The following FAT4 variants were observed in gnomAD, a reference collection of about 807,000 sequenced individuals.
The protein encoded by FAT4 is protocadherin Fat 4.
Under a neutral mutation model 303.9 loss-of-function variants are expected in FAT4, and 84 were observed. The observed-to-expected ratio is 0.28, with a 90% CI of 0.23 to 0.33. The LOEUF (loss-of-function observed/expected upper bound fraction) is 0.33. Ranked by LOEUF, FAT4 falls within the 10% of genes least tolerant of loss-of-function variation. The probability of loss-of-function intolerance (pLI) is 1.00; values close to 1 mark genes in which losing one functional copy is unlikely to be tolerated. For missense variants in FAT4, 6,005 were observed against 6,146.8 expected (o/e 0.98, Z 0.77); for synonymous variants, 2,307 against 2,298.8 (o/e 1.00, Z -0.10).
chr4:125,342,707 G>T (rs1212345710), intron 2 of FAT4, among the ~76,000 whole-genome samples: 1 of 151,082 alleles, frequency 6.6e-6, no homozygotes, highest in Non-Finnish European at 1.5e-5. Context: ...ATATATGTTT[G>T]AATTTTATTT....
rs1481250089 is a variant in FAT4 at position 125,415,572 on chromosome 4, G to T, written c.6609G>T (p.Arg2203=). ...ATGGTAATACCAATCAGGAATTTCG[G>T]ATAGACTCTGTCACAGGTGCCATCA... ...IVNGNTNQEF[R]IDSVTGAITV... Residue 2203 remains arginine, a synonymous_variant, in exon 6 of 18, where the codon CGG becomes CGT. Transcript: ENST00000394329. The T allele has an allele frequency of 6.2e-7, 1 of 1,613,924 alleles. No homozygotes were observed. The highest frequency in any genetic ancestry group is 1.7e-5 in the Admixed American group (1 of 59,958).
At position 125,316,144 on chromosome 4, in the gene FAT4, TG is replaced by T. The variant is rs1201254216; in HGVS notation, c.-13+170del. On this transcript the variant is annotated intron_variant, in intron 1 of 17. Coordinates refer to ENST00000394329, the MANE Select transcript of FAT4 (RefSeq NM_001291303.3). This position sits in a 1 kb window ranked among gnomAD's most constrained non-coding sequence, Gnocchi z 5.7. ...ATATAAGAGGCTTGAGAAACTTTTC[TG>T]GGAACTCAGCTCACAGGAGTGTCCC... Among the ~76,000 whole-genome samples, 1 of 152,172 alleles carries T rather than the reference TG, an allele frequency of 6.6e-6. No homozygotes were observed. The highest frequency in any genetic ancestry group is 1.5e-5 in the Non-Finnish European group (1 of 68,040).
At chr4:125,346,376 GA>G (rs34606140) in intron 2 of FAT4, among the ~76,000 whole-genome samples, 11,688 of 150,502 alleles carry the variant, frequency 0.078, 559 homozygotes, top group South Asian at 0.16. Flanking sequence ...GATTCTCTGA[GA>G]AAAAAAAACT....
chr4:125,316,544 C>T lies in FAT4; in HGVS notation c.133C>T (p.Pro45Ser), dbSNP rs1578510659. ...GCAGGCCTGGGTCCACGGGGCCGAGCCGCGCCAGGTGTTCCAAGTGCTGGA... is the reference window on the plus strand; with the variant it reads ...GCAGGCCTGGGTCCACGGGGCCGAGTCGCGCCAGGTGTTCCAAGTGCTGGA... The part of the protein sequence containing the change: ...PGQAWVHGAE[P>S]RQVFQVLEEQ... The change falls in exon 2 of 18, where the codon CCG becomes TCG. Residue 45 changes from proline to serine, a missense_variant. Physicochemically the swap from Pro to Ser is moderately conservative, Grantham distance 74. Transcript: ENST00000394329. This position sits in a 1 kb window ranked among gnomAD's most constrained non-coding sequence, Gnocchi z 5.7. 6.2e-7 allele frequency: 1 copy of T among 1,614,030 alleles called. No homozygotes were observed. Among genetic ancestry groups the T allele is most frequent in the South Asian group, 1.1e-5 (1 of 91,086 alleles).
chr4:125,438,910 T>G (rs1725550577), intron 8 of FAT4, among the ~76,000 whole-genome samples: 1 of 152,206 alleles, frequency 6.6e-6, no homozygotes. Context: ...ACTGAACTAC[T>G]GTTGGGATCT....
In FAT4 at chr4:125,451,358, A is replaced by G; in HGVS notation, c.10348A>G (p.Asn3450Asp). 1 of 1,614,126 alleles carries G rather than the reference A, an allele frequency of 6.2e-7. No homozygotes were observed. Among genetic ancestry groups the G allele is most frequent in the Non-Finnish European group, 8.5e-7 (1 of 1,180,014 alleles). The change falls in exon 10 of 18, where the codon AAT becomes GAT. Residue 3450 changes from asparagine to aspartate, a missense_variant. Physicochemically the swap from Asn to Asp is conservative, Grantham distance 23 (BLOSUM62 1). Coordinates refer to ENST00000394329, the MANE Select transcript of FAT4 (RefSeq NM_001291303.3). ...GTTTTCTTACTTCATCGGATCAGGG[A>G]ATGAAAATGGTGCCTTTTCTATTAA... is the stretch of plus-strand genomic sequence containing the variant. ...SRFSYFIGSGNENGAFSINPQ... is the reference protein window; with the variant it reads ...SRFSYFIGSGDENGAFSINPQ...
At chr4:125,396,265 T>C (rs1459373899) in intron 2 of FAT4, among the ~76,000 whole-genome samples, 1 of 152,116 alleles carries the variant, frequency 6.6e-6, no homozygotes, top group African/African-American at 2.4e-5. Context: ...TATATGTATA[T>C]ATGTGTGTGT....
chr4:125,349,088 A>G (rs1732118426), intron 2 of FAT4, among the ~76,000 whole-genome samples: 1 of 151,760 alleles, frequency 6.6e-6, no homozygotes, highest in South Asian at 2.1e-4. Context: ...AGGGGTTTAG[A>G]AGAGTATACT....
intron 2 of FAT4, among the ~76,000 whole-genome samples, chr4:125,370,711 G>T (rs1163157917): frequency 8.5e-5 from 13 of 152,126 alleles, no homozygotes; most frequent in Non-Finnish European, 1.9e-4. Flanking sequence ...CTGGTGATAT[G>T]GGGTGCAGGC....
In FAT4 at chr4:125,315,908, C is replaced by T. The variant is rs1369653163; in HGVS notation, c.-82C>T. On this transcript the variant is annotated 5_prime_UTR_variant, in exon 1 of 18. Transcript: ENST00000394329. ...AAGAAATTCGATTCTCCCGGTTCCC[C>T]ACCACCCCTTCCCCGGTGCGCAGTT... Among the ~76,000 whole-genome samples, 2 of 152,198 alleles carry T rather than the reference C, an allele frequency of 1.3e-5. No individual in the cohort carries two copies. The highest frequency in any genetic ancestry group is 2.9e-5 in the Non-Finnish European group (2 of 68,036).
rs1372190580 is a variant in FAT4, at chr4:125,452,446, A to G, written c.11436A>G (p.Pro3812=). 2 of 1,614,060 alleles carry G rather than the reference A, an allele frequency of 1.2e-6. No homozygotes were observed. The highest frequency in any genetic ancestry group is 1.7e-5 in the Admixed American group (1 of 60,024). Residue 3812 remains proline, a synonymous_variant, in exon 10 of 18, where the codon CCA becomes CCG. Coordinates refer to ENST00000394329, the MANE Select transcript of FAT4 (RefSeq NM_001291303.3). ...SVDHDSCVHG[P]CQNGGSCLRR... ...ATCATGACTCCTGTGTGCATGGCCC[A>G]TGTCAGAATGGAGGGAGCTGTCTAC...
Position 125,448,859 on chromosome 4 carries a change from G to C in FAT4, c.7849G>C (p.Asp2617His). ...GAATCTTGGCAATACTTTCCAGATT[G>C]ATCAGTTAACAGGGCAGGTGTCTAT... ...SGNLGNTFQI[D>H]QLTGQVSISQ... is the part of the protein sequence containing the mutation. The change falls in exon 10 of 18, where the codon GAT (aspartate) becomes CAT (histidine). Residue 2617 changes from aspartate (D) to histidine (H), a missense_variant. Physicochemically the swap from Asp to His is moderately conservative, Grantham distance 81. Transcript: ENST00000394329. 6.2e-7 allele frequency: 1 copy of C among 1,608,398 alleles called. No individual in the cohort carries two copies. The highest frequency in any genetic ancestry group is 2.2e-5 in the East Asian group (1 of 44,766).
At chr4:125,410,465 T>G (rs1359943787) in intron 5 of FAT4, among the ~76,000 whole-genome samples, 2 of 152,152 alleles carry the variant, frequency 1.3e-5, no homozygotes, top group Non-Finnish European at 2.9e-5. Context: ...GGAGATTGGT[T>G]TATCTGCTAT....
At chr4:125,428,053 C>T (rs1382211631) in intron 7 of FAT4, among the ~76,000 whole-genome samples, 1 of 152,020 alleles carries the variant, frequency 6.6e-6, no homozygotes, top group African/African-American at 2.4e-5. Context: ...AATCTCAGCA[C>T]TTTTGGAGGC....
intron 2 of FAT4, among the ~76,000 whole-genome samples, chr4:125,348,514 A>C (rs534356107): frequency 1.3e-5 from 2 of 151,640 alleles, no homozygotes; most frequent in African/African-American, 2.4e-5. Context: ...GAGGAAGTGA[A>C]CCAACACCCA....
chr4:125,329,315 T>C (rs1351729217), intron 2 of FAT4, among the ~76,000 whole-genome samples: 1 of 152,242 alleles, frequency 6.6e-6, no homozygotes, highest in Non-Finnish European at 1.5e-5. Context: ...GACACATTGC[T>C]AGATCCAATG....
chr4:125,380,431 AAATGT>A (rs1288398544), intron 2 of FAT4, among the ~76,000 whole-genome samples: 2 of 152,194 alleles, frequency 1.3e-5, no homozygotes, highest in African/African-American at 4.8e-5. Context: ...AGTTTAAGGG[AAATGT>A]AATGTAAAAA....
At chr4:125,333,576 T>A (rs1468012572) in intron 2 of FAT4, among the ~76,000 whole-genome samples, 2 of 152,058 alleles carry the variant, frequency 1.3e-5, no homozygotes, top group African/African-American at 4.8e-5. Flanking sequence ...CCCTACTGGG[T>A]TTTTTCACAT....
At chr4:125,377,902 A>G (rs1478494894) in intron 2 of FAT4, among the ~76,000 whole-genome samples, 1 of 152,132 alleles carries the variant, frequency 6.6e-6, no homozygotes, top group Non-Finnish European at 1.5e-5. Flanking sequence ...TCTCCAATAT[A>G]CACTTGAGTG....
Sources: gnomAD v4.1 joint callset for allele counts (sites outside exome capture counted in the v4.1 genomes callset) on GRCh38, gnomAD v4.1.1 for gene constraint, Gnocchi (gnomAD v3.1) non-coding constraint, MANE v1.5 for transcripts, NCBI Gene and HGNC (gene_info 2026-07-23, HGNC 2026-07-21) for gene names.